Variants in MAML2 observed in about 807,000 individuals in gnomAD.
MAML2 encodes mastermind like transcriptional coactivator 2, also known as mastermind-like protein 2.
A neutral mutation model predicts 96.1 loss-of-function variants in MAML2; 22 were observed. The ratio of observed to expected loss-of-function variants is 0.23; its 90% CI spans 0.16 to 0.33. The LOEUF (loss-of-function observed/expected upper bound fraction) is 0.33, where lower values mean the gene tolerates loss of function less well. Among genes scored for constraint, MAML2 ranks in the 10% least tolerant of loss-of-function variants. The probability of loss-of-function intolerance (pLI) is 1.00; values close to 1 mark genes in which losing one functional copy is unlikely to be tolerated. For synonymous variants in MAML2, 561 were observed against 521.3 expected, an observed-to-expected ratio of 1.08 and a Z score of -1.04; for missense variants, 1,367 against 1,392.4, an observed-to-expected ratio of 0.98 and a Z score of 0.29.
intron 2 of MAML2, 56 bp from the exon 3 acceptor site, chr11:95,991,779 T>C: frequency 7.4e-7 from 1 of 1,358,212 alleles, no homozygotes; most frequent in Non-Finnish European, 1.1e-6. Flanking sequence ...AAGAAAAATG[T>C]AGCACAAAGA....
chr11:95,981,623 C>T (rs756679514), intron 4 of MAML2, among the ~76,000 whole-genome samples: 1 of 152,074 alleles, frequency 6.6e-6, no homozygotes, highest in Admixed American at 6.5e-5. Flanking sequence ...GACTACATAC[C>T]CCTTGAAGGC....
chr11:96,175,916 T>C (rs1372256463), intron 1 of MAML2, among the ~76,000 whole-genome samples: 1 of 152,216 alleles, frequency 6.6e-6, no homozygotes, highest in Non-Finnish European at 1.5e-5. Context: ...ACCTCAGTTC[T>C]ATAACTTACC....
Position 96,092,349 on chromosome 11 carries a change from T to C in MAML2, c.1682A>G (p.His561Arg), listed in dbSNP as rs886773983. 1.9e-6 allele frequency: 3 copies of C among 1,612,480 alleles called. No homozygotes were observed. Reference protein sequence around the residue: ...PRQGNTKPLFHFNSDQANQQM... With the variant: ...PRQGNTKPLFRFNSDQANQQM... ...CTGGTTCGCTTGATCTGAGTTAAAA[T>C]GAAACAAAGGCTTGGTGTTGCCCTG... Residue 561 changes from histidine (H) to arginine (R), a missense_variant, in exon 2 of 5, where the codon CAT becomes CGT. Physicochemically the swap from His to Arg is conservative, Grantham distance 29 (BLOSUM62 0). Coordinates refer to ENST00000524717, the MANE Select transcript of MAML2 (RefSeq NM_032427.4). This position sits in a 1 kb window ranked among gnomAD's most constrained non-coding sequence, Gnocchi z 4.1.
At chr11:96,145,070 C>T (rs1379169969) in intron 1 of MAML2, among the ~76,000 whole-genome samples, 2 of 152,220 alleles carry the variant, frequency 1.3e-5, no homozygotes, top group African/African-American at 2.4e-5. Context: ...GGAAGTTTCA[C>T]ATGCATTACC....
At chr11:96,295,841 C>G (rs1227718948) in intron 1 of MAML2, among the ~76,000 whole-genome samples, 1 of 151,266 alleles carries the variant, frequency 6.6e-6, no homozygotes, top group Non-Finnish European at 1.5e-5. Flanking sequence ...TCATCCACAA[C>G]CTTCTTTTTA....
At chr11:96,174,769 G>A (rs1861356207) in intron 1 of MAML2, among the ~76,000 whole-genome samples, 1 of 152,228 alleles carries the variant, frequency 6.6e-6, no homozygotes, top group Non-Finnish European at 1.5e-5. Context: ...ACACTTGTGG[G>A]ATACCCACAA....
chr11:96,310,421 C>T (rs1014382918), intron 1 of MAML2, among the ~76,000 whole-genome samples: 1 of 152,134 alleles, frequency 6.6e-6, no homozygotes, highest in Non-Finnish European at 1.5e-5. Flanking sequence ...CCAATGTGAC[C>T]TGAAACTGCC....
intron 2 of MAML2, among the ~76,000 whole-genome samples, chr11:96,054,880 T>TTTTTCTAATCTGAA (rs1177300845): frequency 1.6e-4 from 24 of 152,276 alleles, no homozygotes; most frequent in African/African-American, 5.5e-4. Context: ...AAAATAAATT[T>TTTTTCTAATCTGAA]TAAATATTTC....
intron 1 of MAML2, among the ~76,000 whole-genome samples, chr11:96,161,012 A>G (rs2135888933): frequency 6.6e-6 from 1 of 152,312 alleles, no homozygotes; most frequent in South Asian, 2.1e-4. Flanking sequence ...GAGGCACTGC[A>G]CCTTTCCCTG....
intron 1 of MAML2, among the ~76,000 whole-genome samples, chr11:96,340,118 C>G (rs1454987282): frequency 6.6e-6 from 1 of 152,190 alleles, no homozygotes; most frequent in Admixed American, 6.5e-5. Flanking sequence ...GTCTTCGTCA[C>G]CATGGACCCA....
intron 1 of MAML2, among the ~76,000 whole-genome samples, chr11:96,275,637 T>C (rs372193634): frequency 4.6e-5 from 7 of 152,328 alleles, no homozygotes; most frequent in Admixed American, 1.3e-4. Flanking sequence ...ACATCAGTGC[T>C]GTTGTAGGTA....
chr11:96,070,505 C>T (rs1295333598), intron 2 of MAML2, among the ~76,000 whole-genome samples: 1 of 152,184 alleles, frequency 6.6e-6, no homozygotes, highest in Non-Finnish European at 1.5e-5. Flanking sequence ...CCACTGTGTT[C>T]CCTGGTGCTA....
chr11:96,059,232 T>G (rs1394099564), intron 2 of MAML2, among the ~76,000 whole-genome samples: 1 of 152,234 alleles, frequency 6.6e-6, no homozygotes, highest in Admixed American at 6.5e-5. Context: ...ATGGTAATTC[T>G]GCAAAACTAT....
rs908264076 is a variant in MAML2, at chr11:96,089,994, A to G, written c.2139+1898T>C. Among the ~76,000 whole-genome samples the G allele has an allele frequency of 6.3e-4, 24 of 38,346 alleles. 1 individual carries two copies. Among genetic ancestry groups the G allele is most frequent in the African/African-American group, 2.9e-3 (24 of 8,374 alleles). The allele number at this position is 38,346 out of a possible 152,430, so 25.2% of individuals were successfully genotyped here. On this transcript the variant is annotated intron_variant, in intron 2 of 4. Transcript: ENST00000524717. The stretch of plus-strand genomic sequence containing the variant: ...AGCTATTGAACCTCTCTGTGCCTCA[A>G]TTCTCTTACTCGTAACATGGAAATA...
At chr11:96,332,619 G>A (rs74829802) in intron 1 of MAML2, among the ~76,000 whole-genome samples, 18 of 152,212 alleles carry the variant, frequency 1.2e-4, no homozygotes, top group African/African-American at 4.3e-4. Flanking sequence ...ACACTTCTGC[G>A]AAACAACCAA....
At chr11:96,331,834 A>T (rs1475489238) in intron 1 of MAML2, among the ~76,000 whole-genome samples, 24 of 151,102 alleles carry the variant, frequency 1.6e-4, no homozygotes, top group Admixed American at 1.6e-3. Flanking sequence ...AAAAAAAAAA[A>T]GCTTTAATTT....
At chr11:96,165,168 G>GT (rs1218992679) in intron 1 of MAML2, among the ~76,000 whole-genome samples, 1 of 151,278 alleles carries the variant, frequency 6.6e-6, no homozygotes, top group African/African-American at 2.4e-5. Flanking sequence ...TTGCTTTGTA[G>GT]TGTGTTTTTT....
intron 1 of MAML2, among the ~76,000 whole-genome samples, chr11:96,168,137 A>C (rs1164205771): frequency 6.6e-6 from 1 of 152,154 alleles, no homozygotes; most frequent in African/African-American, 2.4e-5. Flanking sequence ...TCTAATCTTG[A>C]AAATTTTTCT....
intron 1 of MAML2, among the ~76,000 whole-genome samples, chr11:96,126,198 G>A (rs115658550): frequency 8.9e-4 from 135 of 152,318 alleles, no homozygotes; most frequent in African/African-American, 2.9e-3. Context: ...AACTCAGAGT[G>A]TTGAGAAGAT....
Sources: gnomAD v4.1 joint callset for allele counts (sites outside exome capture counted in the v4.1 genomes callset) on GRCh38, gnomAD v4.1.1 for gene constraint, Gnocchi (gnomAD v3.1) non-coding constraint, MANE v1.5 for transcripts, NCBI Gene and HGNC (gene_info 2026-07-23, HGNC 2026-07-21) for gene names.